The following HNRNPU variants were observed in gnomAD, a reference collection of about 807,000 sequenced individuals.
The protein encoded by HNRNPU is heterogeneous nuclear ribonucleoprotein U.
In HNRNPU, 5 loss-of-function variants were observed where a neutral mutation model predicts 94.7. The observed-to-expected ratio is 0.05, with a 90% CI of 0.03 to 0.11. HNRNPU has a LOEUF of 0.11. Ranked by LOEUF, HNRNPU falls within the 10% of genes least tolerant of loss-of-function variation. The pLI is 1.00. For missense variants in HNRNPU, 710 were observed against 1,049.2 expected (o/e 0.68, Z 4.47); for synonymous variants, 434 against 381.6 (o/e 1.14, Z -1.60).
intron 8 of HNRNPU, 183 bp downstream of exon 8, chr1:244,857,415 T>A (rs1680709063): frequency 1.7e-6 from 1 of 576,506 alleles, no homozygotes; most frequent in Non-Finnish European, 3.0e-6. Flanking sequence ...CCCAGCTAAT[T>A]TTTAAATTTT....
chr1:244,859,347 A>G lies in HNRNPU; in HGVS notation c.1045T>C (p.Leu349=). 6.3e-7 allele frequency: 1 copy of G among 1,581,354 alleles called. No homozygotes were observed. The highest frequency in any genetic ancestry group is 8.7e-7 in the Non-Finnish European group (1 of 1,150,892). Residue 349 remains leucine (L), a synonymous_variant, in exon 5 of 14, where the codon TTA becomes CTA. Coordinates refer to ENST00000640218, the MANE Select transcript of HNRNPU (RefSeq NM_031844.3). ...KVTEKIPVRH[L]YTKDIDIHEV... is the part of the protein sequence containing the mutation. The stretch of plus-strand genomic sequence containing the variant: ...TGTATGTCAATATCTTTTGTATATA[A>G]ATGCCTTACTGGGATCTTCTCTGTA...
chr1:244,862,783 G>C, intron 1 of HNRNPU, 53 bp from the exon 2 acceptor site: 7 of 1,371,422 alleles, frequency 5.1e-6, no homozygotes, highest in Non-Finnish European at 7.3e-6. Context: ...ACAAAAAAAC[G>C]CTTTTCCGTT....
In HNRNPU at chr1:244,850,381, A is replaced by C. The variant is rs1680508336; in HGVS notation, c.*4069T>G. 6.6e-6 allele frequency: 1 copy of C among 152,154 alleles called. No homozygotes were observed. The highest frequency in any genetic ancestry group is 1.5e-5 in the Non-Finnish European group (1 of 68,040). The allele number at this position is 152,154 out of a possible 1,614,324, so 9.4% of individuals were successfully genotyped here. On this transcript the variant is annotated 3_prime_UTR_variant, in exon 14 of 14. Transcript: ENST00000640218. ...CTAGGCAAAGAAAACAGGACGATTC[A>C]AGAGCAGCCTATGTAACTACCAACT...
chr1:244,857,848 T>C (rs1013896617), intron 7 of HNRNPU, 131 bp from the exon 8 acceptor site: 1 of 1,363,866 alleles, frequency 7.3e-7, no homozygotes. Context: ...AATTTGTTTA[T>C]GGAAAGATTA....
At chr1:244,854,828 G>T in intron 13 of HNRNPU, 145 bp downstream of exon 13, 1 of 636,368 alleles carries the variant, frequency 1.6e-6, no homozygotes, top group East Asian at 2.9e-5. Context: ...GGTAGATTAT[G>T]GCTACTACTG....
intron 4 of HNRNPU, 178 bp downstream of exon 4, chr1:244,860,157 A>C: frequency 2.0e-6 from 1 of 496,820 alleles, no homozygotes; most frequent in Non-Finnish European, 3.5e-6. Context: ...AAAATTAGCC[A>C]GGTGTGGTAG....
intron 4 of HNRNPU, 65 bp from the exon 5 acceptor site, chr1:244,859,439 T>C (rs966993591): frequency 1.4e-4 from 112 of 789,868 alleles, no homozygotes; most frequent in Non-Finnish European, 2.2e-4. Flanking sequence ...AACTCTCGCA[T>C]ATTTCATTGC....
At chr1:244,860,539 A>G in intron 3 of HNRNPU, 65 bp from the exon 4 acceptor site, 1 of 1,321,860 alleles carries the variant, frequency 7.6e-7, no homozygotes, top group Admixed American at 2.2e-5. Context: ...CTATGTAGAC[A>G]AAACTTGGTT....
chr1:244,860,992 T>C (rs1238131317), intron 3 of HNRNPU: 2 of 154,376 alleles, frequency 1.3e-5, no homozygotes, highest in East Asian at 3.8e-4. Context: ...AACTATGAAG[T>C]ACAAACCTGG....
Position 244,858,621 on chromosome 1 carries a change from G to T in HNRNPU, c.1230+108C>A, listed in dbSNP as rs1680743035. The stretch of plus-strand genomic sequence containing the variant: ...TCTTTACACTAATCCAGGGACTGGT[G>T]TATTTTGTTGCTCATATTGAAAACT... On this transcript the variant is annotated intron_variant, in intron 6 of 13. Coordinates refer to ENST00000640218, the MANE Select transcript of HNRNPU (RefSeq NM_031844.3). 6 of 681,504 alleles carry T rather than the reference G, an allele frequency of 8.8e-6. No individual in the cohort carries two copies. In the South Asian group the frequency reaches 1.0e-4, roughly 11 times the overall value. 42.2% of individuals were successfully genotyped at this position (681,504 alleles called of 1,614,324 possible).
chr1:244,864,449 G>A lies in HNRNPU; in HGVS notation c.-142C>T. ...GGAGATGGGTTCGTGCTGCAGAGCG[G>A]ATCCGCCTGGTGTCGAACGGCGCCA... is the stretch of plus-strand genomic sequence containing the variant. On this transcript the variant is annotated 5_prime_UTR_variant, in exon 1 of 14. Coordinates refer to ENST00000640218, the MANE Select transcript of HNRNPU (RefSeq NM_031844.3). 2 of 1,409,154 alleles carry A rather than the reference G, an allele frequency of 1.4e-6. No homozygotes were observed. Among genetic ancestry groups the A allele is most frequent in the South Asian group, 1.3e-5 (1 of 74,822 alleles). 87.3% of individuals were successfully genotyped at this position (1,409,154 alleles called of 1,614,324 possible). A position where few individuals can be genotyped will look rare whatever the true frequency, so the allele number is the denominator to read the frequency against.
chr1:244,861,545 A>G (rs1297752623), intron 3 of HNRNPU: 3 of 152,242 alleles, frequency 2.0e-5, no homozygotes, highest in African/African-American at 4.8e-5. Flanking sequence ...AGAGTTTTAC[A>G]TTGACACTCT....
At chr1:244,862,396 A>AAT (rs1491265794) in intron 3 of HNRNPU, 65 bp downstream of exon 3, 3 of 609,798 alleles carry the variant, frequency 4.9e-6, no homozygotes, top group Non-Finnish European at 6.6e-6. Flanking sequence ...TAAGACTTCT[A>AAT]AAAAAAAAAA....
At position 244,856,138 on chromosome 1, in the gene HNRNPU, C is replaced by T. The variant is rs1013755447; in HGVS notation, c.1933G>A (p.Val645Ile). ...KMKGNFTLPE[V>I]AECFDEITYV... ...GTTATTTCATCAAAGCACTCAGCTA[C>T]CTCTGGGAGGGTAAAGTTTCCTGCA... The change falls in exon 11 of 14, where the codon GTA becomes ATA. Residue 645 changes from valine to isoleucine, a missense_variant. This residue lies in a region of HNRNPU where 152 missense variants were observed against 238.9 expected (regional missense o/e 0.64). Transcript: ENST00000640218. The T allele has an allele frequency of 6.2e-7, 1 of 1,608,790 alleles. No individual in the cohort carries two copies. Among genetic ancestry groups the T allele is most frequent in the Non-Finnish European group, 8.5e-7 (1 of 1,178,538 alleles).
In HNRNPU at chr1:244,864,293, A is replaced by G. The variant is rs778834545; in HGVS notation, c.15T>C (p.Pro5=). 1 of 1,612,948 alleles carries G rather than the reference A, an allele frequency of 6.2e-7. No homozygotes were observed. Among genetic ancestry groups the G allele is most frequent in the Non-Finnish European group, 8.5e-7 (1 of 1,179,728 alleles). MSSS[P]VNVKKLKVSE... Reference sequence around the variant, plus strand: ...ACACCTTCAGCTTTTTTACATTAACAGGCGAGGAACTCATGGTGAGGGCCC... The same window carrying G: ...ACACCTTCAGCTTTTTTACATTAACGGGCGAGGAACTCATGGTGAGGGCCC... Residue 5 remains proline, a synonymous_variant, in exon 1 of 14, where the codon CCT becomes CCC. Coordinates refer to ENST00000640218, the MANE Select transcript of HNRNPU (RefSeq NM_031844.3).
chr1:244,858,695 G>A lies in HNRNPU; in HGVS notation c.1230+34C>T, dbSNP rs1680744453. ...GTTCCTAGATATAGCTACTAACTTT[G>A]CCATTTATACATAGAAAGTTAGCTT... On this transcript the variant is annotated intron_variant, in intron 6 of 13. Coordinates refer to ENST00000640218, the MANE Select transcript of HNRNPU (RefSeq NM_031844.3). The A allele has an allele frequency of 2.6e-6, 3 of 1,151,096 alleles. No homozygotes were observed. In the African/African-American group the frequency reaches 4.6e-5, roughly 18 times the overall value. 71.3% of individuals were successfully genotyped at this position (1,151,096 alleles called of 1,614,324 possible).
At chr1:244,861,782 C>T (rs1347971764) in intron 3 of HNRNPU, 1 of 151,608 alleles carries the variant, frequency 6.6e-6, no homozygotes, top group Non-Finnish European at 1.5e-5. Context: ...CAGTCAAAGC[C>T]CACTTAGAGG....
intron 10 of HNRNPU, 86 bp from the exon 11 acceptor site, chr1:244,856,244 A>G: frequency 7.2e-7 from 1 of 1,380,790 alleles, no homozygotes; most frequent in African/African-American, 1.5e-5. Flanking sequence ...GAGGTTTAGT[A>G]ACATATTTTC....
rs1680532525 is a variant in HNRNPU, at chr1:244,850,976, C to G, written c.*3474G>C. 1 of 151,832 alleles carries G rather than the reference C, an allele frequency of 6.6e-6. No individual in the cohort carries two copies. Among genetic ancestry groups the G allele is most frequent in the Non-Finnish European group, 1.5e-5 (1 of 67,966 alleles). The allele number at this position is 151,832 out of a possible 1,614,324, so 9.4% of individuals were successfully genotyped here. A position where few individuals can be genotyped will look rare whatever the true frequency, so the allele number is the denominator to read the frequency against. On this transcript the variant is annotated 3_prime_UTR_variant, in exon 14 of 14. Coordinates refer to ENST00000640218, the MANE Select transcript of HNRNPU (RefSeq NM_031844.3). ...AAAATTCTCTGCTACAAGTTCCATC[C>G]ACTTTTTTTTTTTCAAGAGACCAGG...
Sources: gnomAD v4.1 joint callset for allele counts on GRCh38, gnomAD v4.1.1 for gene constraint, gnomAD v4.1.1 regional missense constraint, MANE v1.5 for transcripts, NCBI Gene and HGNC (gene_info 2026-07-23, HGNC 2026-07-21) for gene names.